The following ATP2A3 variants were observed in gnomAD, a reference collection of about 807,000 sequenced individuals.
The protein encoded by ATP2A3 is sarcoplasmic/endoplasmic reticulum calcium ATPase 3.
In ATP2A3, 61 loss-of-function variants were observed where a neutral mutation model predicts 106.8. That is an observed-to-expected ratio of 0.57 (90% CI 0.46 to 0.71). The LOEUF (loss-of-function observed/expected upper bound fraction) is 0.71, where lower values mean the gene tolerates loss of function less well. Among genes scored for constraint, ATP2A3 ranks in the 30% least tolerant of loss-of-function variants. The pLI is 0.00. For synonymous variants in ATP2A3, 611 were observed against 609.3 expected (o/e 1.00, Z -0.04); for missense variants, 1,201 against 1,423.5 (o/e 0.84, Z 2.52).
At chr17:3,954,910 A>G (rs1468573) in intron 1 of ATP2A3, among the ~76,000 whole-genome samples, 75,140 of 152,078 alleles carry the variant, frequency 0.49, 19,652 homozygotes, top group African/African-American at 0.66. Context: ...GGCAGGTGGC[A>G]GGGAGTTCCT....
At position 3,928,342 on chromosome 17, in the gene ATP2A3, G is replaced by A. The variant is rs199845001; in HGVS notation, c.2980+321C>T. The A allele has an allele frequency of 7.5e-5, 120 of 1,610,428 alleles. No individual in the cohort carries two copies. The Admixed American group carries it at 1.9e-3, about 26-fold the overall frequency. ...ATAAAGACAGGCTGGGTGCAGAGGG[G>A]TCAGAGGCTGAGGCCCAGAAGAGCA... On this transcript the variant is annotated intron_variant, in intron 20 of 20. Transcript: ENST00000397041. The surrounding 1 kb of genome is among the most constrained non-coding windows in gnomAD (Gnocchi z 6.1).
At chr17:3,956,968 G>T (rs534617377) in intron 1 of ATP2A3, among the ~76,000 whole-genome samples, 1 of 152,352 alleles carries the variant, frequency 6.6e-6, no homozygotes, top group East Asian at 1.9e-4. Context: ...CCACTTTGAA[G>T]GCCTGCTGTG....
At chr17:3,946,067 G>A (rs2054096907) in intron 8 of ATP2A3, among the ~76,000 whole-genome samples, 1 of 151,916 alleles carries the variant, frequency 6.6e-6, no homozygotes, top group South Asian at 2.1e-4. Flanking sequence ...GGCTAACATG[G>A]TGAAACCCCA....
At chr17:3,933,693 A>G (rs1370733077) in intron 17 of ATP2A3, among the ~76,000 whole-genome samples, 40 of 147,890 alleles carry the variant, frequency 2.7e-4, no homozygotes, top group Admixed American at 6.7e-5. Flanking sequence ...CCAAGATTGC[A>G]CCACTGCACT....
rs760699879 is a variant in ATP2A3, at chr17:3,929,655, T to TTGTC, written c.2745-214_2745-211dup. On this transcript the variant is annotated intron_variant, in intron 18 of 20. Coordinates refer to ENST00000397041, the MANE Select transcript of ATP2A3 (RefSeq NM_005173.4). The surrounding 1 kb of genome is among the most constrained non-coding windows in gnomAD (Gnocchi z 4.3). ...CTTTGGACCCCAGTTTCAGCCTTCTTTGTCTCCTGGGCCCCAATTCCGGTC... is the reference window on the plus strand; with the variant it reads ...CTTTGGACCCCAGTTTCAGCCTTCTTTGTCTGTCTCCTGGGCCCCAATTCCGGTC... Among the ~76,000 whole-genome samples the TTGTC allele has an allele frequency of 3.3e-5, 5 of 152,160 alleles. No homozygotes were observed. The East Asian group carries it at 9.6e-4, about 29-fold the overall frequency.
At position 3,929,442 on chromosome 17, in the gene ATP2A3, G is replaced by A. The variant is rs147054952; in HGVS notation, c.2748C>T (p.Val916=). ...TCCGCAGCAGCGACTGGTTCTCCGA[G>A]ACGCTGCCAGGGCACAGGGTGCTCC... The part of the protein sequence containing the change: ...TIEMCNALNS[V]SENQSLLRMP... Residue 916 remains valine, a synonymous_variant, in exon 19 of 21, where the codon GTC becomes GTT. Transcript: ENST00000397041. The surrounding 1 kb of genome is among the most constrained non-coding windows in gnomAD (Gnocchi z 4.3). The A allele has an allele frequency of 4.2e-4, 675 of 1,591,244 alleles. 9 individuals carry two copies. In the East Asian group the frequency reaches 0.015, roughly 34 times the overall value.
At position 3,964,280 on chromosome 17, in the gene ATP2A3, C is replaced by A. The variant is rs1011902685; in HGVS notation, c.12G>T (p.Ala4=). The A allele has an allele frequency of 1.3e-5, 16 of 1,271,110 alleles. No individual in the cohort carries two copies. Among genetic ancestry groups the A allele is most frequent in the Non-Finnish European group, 1.5e-5 (15 of 995,198 alleles). 78.7% of individuals were successfully genotyped at this position (1,271,110 alleles called of 1,614,324 possible). The change falls in exon 1 of 21, where the codon GCG becomes GCT. Residue 4 remains alanine, a synonymous_variant. Coordinates refer to ENST00000397041, the MANE Select transcript of ATP2A3 (RefSeq NM_005173.4). MEA[A]HLLPAADVLR... ...GCACGTCGGCGGCCGGGAGCAGATG[C>A]GCCGCCTCCATGCCGCCCGCCCGGC...
In ATP2A3 at chr17:3,955,692, G is replaced by A. The variant is rs957101868; in HGVS notation, c.119-1982C>T. Among the ~76,000 whole-genome samples, 7 of 152,048 alleles carry A rather than the reference G, an allele frequency of 4.6e-5. No homozygotes were observed. The highest frequency in any genetic ancestry group is 1.0e-4 in the Non-Finnish European group (7 of 68,014). ...GGTGCGCATGGGTGGGCTTGTGCTG[G>A]GCTCTTCCCGGGGGATGCCTGTAAC... On this transcript the variant is annotated intron_variant, in intron 1 of 20. Transcript: ENST00000397041. This position sits in a 1 kb window ranked among gnomAD's most constrained non-coding sequence, Gnocchi z 4.2.
At position 3,947,700 on chromosome 17, in the gene ATP2A3, G is replaced by A. The variant is rs370280870; in HGVS notation, c.786C>T (p.His262=). 6.2e-6 allele frequency: 10 copies of A among 1,611,564 alleles called. No homozygotes were observed. Among genetic ancestry groups the A allele is most frequent in the East Asian group, 2.2e-5 (1 of 44,888 alleles). Residue 262 remains histidine (H), a synonymous_variant, in exon 8 of 21, where the codon CAC becomes CAT. Transcript: ENST00000397041. This position sits in a 1 kb window ranked among gnomAD's most constrained non-coding sequence, Gnocchi z 7.7. Reference sequence around the variant, plus strand: ...CGGCCACGCAGATCACAGAGATGGCGTGGGACAGCTGCCGTCCAAACTCGT... The same window carrying A: ...CGGCCACGCAGATCACAGAGATGGCATGGGACAGCTGCCGTCCAAACTCGT... The part of the protein sequence containing the change: ...KLDEFGRQLS[H]AISVICVAVW...
At chr17:3,942,986 C>G (rs950275774) in intron 11 of ATP2A3, among the ~76,000 whole-genome samples, 1 of 152,178 alleles carries the variant, frequency 6.6e-6, no homozygotes, top group African/African-American at 2.4e-5. Flanking sequence ...CCTCTTTTCT[C>G]CAAGTCTTAC....
Position 3,953,320 on chromosome 17 carries a change from C to G in ATP2A3, c.219+27G>C, listed in dbSNP as rs201017146. 1.9e-6 allele frequency: 3 copies of G among 1,611,560 alleles called. No homozygotes were observed. The highest frequency in any genetic ancestry group is 1.7e-5 in the Admixed American group (1 of 60,006). On this transcript the variant is annotated intron_variant, in intron 3 of 20. Transcript: ENST00000397041. The surrounding 1 kb of genome is among the most constrained non-coding windows in gnomAD (Gnocchi z 5.1). ...CTCCCTCCAGGGCTACCGACTACCA[C>G]AGGATGGCTGGCAGGGCCCTACTTA...
intron 10 of ATP2A3, among the ~76,000 whole-genome samples, 163 bp downstream of exon 10, chr17:3,944,541 A>C (rs1027798748): frequency 4.6e-5 from 7 of 151,990 alleles, no homozygotes; most frequent in African/African-American, 1.7e-4. Flanking sequence ...TGTCTGCGGA[A>C]AGGGAGGGGC....
chr17:3,962,278 G>A (rs563251126), intron 1 of ATP2A3, among the ~76,000 whole-genome samples: 2 of 152,298 alleles, frequency 1.3e-5, no homozygotes, highest in South Asian at 2.1e-4. Flanking sequence ...ATGTGACCTC[G>A]GGCAAGTGGT....
Position 3,937,643 on chromosome 17 carries a change from G to T in ATP2A3, c.2101-7C>A. 1.2e-6 allele frequency: 2 copies of T among 1,613,046 alleles called. No individual in the cohort carries two copies. The highest frequency in any genetic ancestry group is 1.7e-6 in the Non-Finnish European group (2 of 1,179,660). Reference sequence around the variant, plus strand: ...CGTTCACTCCATCGCCAGTCTGTGGGCCAGGTCAGGTAGGGCTGTGCCTGA... The same window carrying T: ...CGTTCACTCCATCGCCAGTCTGTGGTCCAGGTCAGGTAGGGCTGTGCCTGA... On this transcript the variant is annotated splice_region_variant and splice_polypyrimidine_tract_variant and intron_variant, in intron 14 of 20. Transcript: ENST00000397041.
At chr17:3,938,906 A>C in intron 14 of ATP2A3, among the ~76,000 whole-genome samples, 1 of 152,140 alleles carries the variant, frequency 6.6e-6, no homozygotes, top group East Asian at 1.9e-4. Flanking sequence ...GGTGGCCCAC[A>C]CTTGTAATCC....
chr17:3,932,196 T>C (rs913621660), intron 17 of ATP2A3, among the ~76,000 whole-genome samples: 1 of 152,296 alleles, frequency 6.6e-6, no homozygotes, highest in African/African-American at 2.4e-5. Flanking sequence ...GAGGCTGGAG[T>C]GCAGTGGCGT....
At chr17:3,935,148 T>TGTTGAG in intron 17 of ATP2A3, 44 bp downstream of exon 17, 2 of 1,600,936 alleles carry the variant, frequency 1.2e-6, no homozygotes, top group Non-Finnish European at 1.7e-6. Context: ...CTCCAACAAC[T>TGTTGAG]CGAGCTGTAA....
intron 7 of ATP2A3, among the ~76,000 whole-genome samples, chr17:3,948,080 A>G (rs1207065112): frequency 1.3e-4 from 20 of 152,184 alleles, no homozygotes; most frequent in Non-Finnish European, 1.2e-4. Context: ...TCATCGCCGT[A>G]TCCCCAGTGC....
At chr17:3,951,727 C>T (rs755228198) in intron 3 of ATP2A3, 42 bp from the exon 4 acceptor site, 31 of 1,556,654 alleles carry the variant, frequency 2.0e-5, no homozygotes, top group South Asian at 5.8e-5. Flanking sequence ...TGCTGCGGGC[C>T]GAGATCTGCT....
Sources: allele counts gnomAD v4.1 joint callset (sites outside exome capture counted in the v4.1 genomes callset), GRCh38; gene constraint gnomAD v4.1.1; non-coding constraint Gnocchi (gnomAD v3.1); transcripts MANE v1.5; gene names NCBI Gene and HGNC (gene_info 2026-07-23, HGNC 2026-07-21).